Variants in PLAC1 observed in about 807,000 individuals in gnomAD.
PLAC1 encodes placenta associated 1.
For synonymous variants in PLAC1, 68 were observed against 62.1 expected (o/e 1.09, Z -0.44); for missense variants, 136 against 163.2 (o/e 0.83, Z 0.91).
Position 134,620,694 on chromosome X carries a change from A to T in PLAC1, c.-130-18572T>A, listed in dbSNP as rs1422305166. On this transcript the variant is annotated intron_variant, in intron 1 of 2. Coordinates refer to ENST00000359237, the MANE Select transcript of PLAC1 (RefSeq NM_021796.4). ...CCCTGCCTATCTCACAGGAGCCTCG[A>T]AAGATTCAAATAAGATAGTGAGTAT... is the stretch of plus-strand genomic sequence containing the variant. Among the ~76,000 whole-genome samples the T allele has an allele frequency of 3.6e-5, 4 of 111,914 alleles. No individual in the cohort carries two copies. The East Asian group carries it at 1.1e-3, about 31-fold the overall frequency.
At chrX:134,711,519 T>C (rs2078628015) in intron 2 of PLAC1, among the ~76,000 whole-genome samples, 1 of 112,466 alleles carries the variant, frequency 8.9e-6, no homozygotes, top group African/African-American at 3.2e-5. Context: ...ACTAGTTGTT[T>C]AAACTGCTCA....
chrX:134,570,129 C>T (rs1301647102), intron 2 of PLAC1, among the ~76,000 whole-genome samples: 2 of 112,054 alleles, frequency 1.8e-5, no homozygotes, highest in Non-Finnish European at 1.9e-5. Flanking sequence ...TGAGCCACCA[C>T]GTCCGGCAGG....
chrX:134,744,529 T>C (rs776934383), intron 1 of PLAC1, among the ~76,000 whole-genome samples: 1 of 111,666 alleles, frequency 9.0e-6, no homozygotes, highest in South Asian at 3.8e-4. Flanking sequence ...CGCTGGGTTA[T>C]AGTGAGGAGT....
intron 2 of PLAC1, among the ~76,000 whole-genome samples, chrX:134,586,927 C>A (rs1215125606): frequency 9.4e-6 from 1 of 106,169 alleles, no homozygotes; most frequent in Non-Finnish European, 1.9e-5. Flanking sequence ...GAACTCCTGA[C>A]CTCAAGTGAC....
intron 2 of PLAC1, among the ~76,000 whole-genome samples, chrX:134,596,888 T>G (rs955186406): frequency 4.7e-4 from 52 of 110,977 alleles, no homozygotes; most frequent in Non-Finnish European, 7.9e-4. Context: ...CGAGCCACTC[T>G]GCTTGGCCAA....
At position 134,599,310 on chromosome X, in the gene PLAC1, G is replaced by A. The variant is rs187769035; in HGVS notation, c.-59+2741C>T. 3.6e-5 allele frequency: 4 copies of A among 111,287 alleles called. No individual in the cohort carries two copies. The Admixed American group carries it at 3.8e-4, about 11-fold the overall frequency. The allele number at this position is 111,287 out of a possible 1,213,427, so 9.2% of individuals were successfully genotyped here. A position where few individuals can be genotyped will look rare whatever the true frequency, so the allele number is the denominator to read the frequency against. Reference sequence around the variant, plus strand: ...CTCATAATCTCCAAGTGTCGTGGGAGGGACCTGGTGGGAGGTAATTGAATC... The same window carrying A: ...CTCATAATCTCCAAGTGTCGTGGGAAGGACCTGGTGGGAGGTAATTGAATC... On this transcript the variant is annotated intron_variant, in intron 2 of 2. Transcript: ENST00000359237.
At chrX:134,586,531 G>A (rs776758753) in intron 2 of PLAC1, among the ~76,000 whole-genome samples, 39 of 111,499 alleles carry the variant, frequency 3.5e-4, no homozygotes, top group East Asian at 8.4e-4. Context: ...GGATTAGGCC[G>A]TGAAAGGAAG....
At chrX:134,571,495 A>G (rs755991786) in intron 2 of PLAC1, among the ~76,000 whole-genome samples, 2 of 111,535 alleles carry the variant, frequency 1.8e-5, no homozygotes, top group East Asian at 5.6e-4. Context: ...TCTATTGCAC[A>G]GCATGGTGAG....
intron 1 of PLAC1, among the ~76,000 whole-genome samples, chrX:134,751,566 C>A (rs1240674922): frequency 8.9e-6 from 1 of 111,755 alleles, no homozygotes; most frequent in African/African-American, 3.3e-5. Flanking sequence ...GCATCTTCTA[C>A]CATTTTGTTT....
At chrX:134,757,541 T>C (rs1271864212) in intron 1 of PLAC1, among the ~76,000 whole-genome samples, 1 of 112,222 alleles carries the variant, frequency 8.9e-6, no homozygotes, top group Non-Finnish European at 1.9e-5. Context: ...TGTATGACCT[T>C]TGATCCTGAA....
At chrX:134,680,181 A>G (rs1003745132) in intron 2 of PLAC1, among the ~76,000 whole-genome samples, 3 of 112,270 alleles carry the variant, frequency 2.7e-5, no homozygotes, top group Admixed American at 9.4e-5. Flanking sequence ...ACTAAGAGCC[A>G]GGCACTGTTC....
chrX:134,749,375 G>C (rs2078736114), intron 1 of PLAC1, among the ~76,000 whole-genome samples: 1 of 111,853 alleles, frequency 8.9e-6, no homozygotes, highest in South Asian at 3.7e-4. Flanking sequence ...TTTGCCTGTA[G>C]TCCCAGCTAC....
intron 2 of PLAC1, among the ~76,000 whole-genome samples, chrX:134,584,558 A>T (rs747874988): frequency 9.1e-6 from 1 of 110,444 alleles, no homozygotes; most frequent in East Asian, 2.9e-4. Flanking sequence ...ACTGACACTG[A>T]AGATTATGCT....
chrX:134,709,878 T>C (rs1362531191), intron 2 of PLAC1, among the ~76,000 whole-genome samples: 1 of 111,975 alleles, frequency 8.9e-6, no homozygotes, highest in East Asian at 2.8e-4. Flanking sequence ...AGCAAAATTT[T>C]ACAACACTTT....
chrX:134,758,909 A>C (rs2078763253), intron 1 of PLAC1, among the ~76,000 whole-genome samples: 1 of 112,133 alleles, frequency 8.9e-6, no homozygotes, highest in African/African-American at 3.2e-5. Context: ...GAATATACCA[A>C]GAACTCAAAT....
intron 1 of PLAC1, among the ~76,000 whole-genome samples, chrX:134,614,596 T>TACACAC (rs112359386): frequency 0.05 from 5,326 of 106,464 alleles, 368 homozygotes; most frequent in African/African-American, 0.17. Flanking sequence ...GTATATATGA[T>TACACAC]ACACACACAC....
At chrX:134,738,943 G>T (rs920335891) in intron 1 of PLAC1, among the ~76,000 whole-genome samples, 2 of 112,599 alleles carry the variant, frequency 1.8e-5, no homozygotes, top group Non-Finnish European at 3.7e-5. Flanking sequence ...AATTATGTGG[G>T]AAAATATGGT....
intron 2 of PLAC1, among the ~76,000 whole-genome samples, chrX:134,724,839 CA>C (rs996420508): frequency 9.0e-6 from 1 of 110,683 alleles, no homozygotes; most frequent in Non-Finnish European, 1.9e-5. Flanking sequence ...CCCATCTCTA[CA>C]AAAAAATACA....
chrX:134,659,000 G>A, upstream of PLAC1, among the ~76,000 whole-genome samples: 1 of 111,261 alleles, frequency 9.0e-6, no homozygotes, highest in Non-Finnish European at 1.9e-5. Flanking sequence ...AATGCTCAGG[G>A]AGAATGAGAA....
Sources: gnomAD v4.1 joint callset for allele counts (sites outside exome capture counted in the v4.1 genomes callset) on GRCh38, gnomAD v4.1.1 for gene constraint, MANE v1.5 for transcripts, NCBI Gene and HGNC (gene_info 2026-07-23, HGNC 2026-07-21) for gene names.